The following SYT2 variants were observed in gnomAD, a reference collection of about 807,000 sequenced individuals.
SYT2 encodes synaptotagmin 2.
A neutral mutation model predicts 39.9 loss-of-function variants in SYT2; 15 were observed. That is an observed-to-expected ratio of 0.38 (90% CI 0.25 to 0.58). SYT2 has a LOEUF of 0.58. SYT2 is among the 20% of genes least tolerant of loss of function. The pLI is 0.70. For missense variants in SYT2, 389 were observed against 530.3 expected (o/e 0.73, Z 2.62); for synonymous variants, 181 against 204.5 (o/e 0.89, Z 0.98).
chr1:202,645,183 T>TG (rs1257199949), intron 1 of SYT2, among the ~76,000 whole-genome samples: 4 of 152,124 alleles, frequency 2.6e-5, no homozygotes, highest in African/African-American at 9.7e-5. Context: ...CAAGGTCAGA[T>TG]GCTCAGCAGG....
chr1:202,626,171 G>A (rs1691399131), intron 1 of SYT2, among the ~76,000 whole-genome samples: 1 of 152,132 alleles, frequency 6.6e-6, no homozygotes, highest in South Asian at 2.1e-4. Context: ...TGGGTAATGG[G>A]AGGGGGTGGA....
chr1:202,625,299 C>G (rs1328898416), intron 1 of SYT2, among the ~76,000 whole-genome samples: 48 of 16,010 alleles, frequency 3.0e-3, no homozygotes, highest in Middle Eastern at 0.056. Flanking sequence ...GTGGTGTGTG[C>G]TGTGTCTGTG....
intron 1 of SYT2, among the ~76,000 whole-genome samples, chr1:202,669,774 G>C (rs979319100): frequency 6.9e-6 from 1 of 145,456 alleles, no homozygotes; most frequent in African/African-American, 2.6e-5. Flanking sequence ...AAAAAAAAAA[G>C]ACCACCCACA....
chr1:202,641,802 G>A (rs1691924150), intron 1 of SYT2, among the ~76,000 whole-genome samples: 1 of 152,208 alleles, frequency 6.6e-6, no homozygotes, highest in Non-Finnish European at 1.5e-5. Flanking sequence ...TTAACCTATA[G>A]TCATCTGTCT....
At chr1:202,691,727 G>GA (rs1558463384) in intron 1 of SYT2, among the ~76,000 whole-genome samples, 12 of 19,010 alleles carry the variant, frequency 6.3e-4, no homozygotes, top group African/African-American at 1.7e-3. Flanking sequence ...GAGAGGGAGA[G>GA]GGGGGGAGAG....
rs867284871 is a variant in SYT2 at position 202,626,398 on chromosome 1, C to T, written c.-17-20609G>A. Among the ~76,000 whole-genome samples the T allele has an allele frequency of 9.6e-3, 692 of 72,420 alleles. 13 individuals are homozygous for T. The highest frequency in any genetic ancestry group is 0.091 in the East Asian group (201 of 2,204). The allele number at this position is 72,420 out of a possible 152,430, so 47.5% of individuals were successfully genotyped here. On this transcript the variant is annotated intron_variant, in intron 1 of 8. Coordinates refer to ENST00000367268, the MANE Select transcript of SYT2 (RefSeq NM_177402.5). ...TGCATCTCCCAAGACAGCCTCTCAG[C>T]TTTTTTTTTTTTTTTTTTTTTTTTT... is the stretch of plus-strand genomic sequence containing the variant.
At position 202,606,305 on chromosome 1, in the gene SYT2, C is replaced by A. The variant is rs149706747; in HGVS notation, c.-17-516G>T. Among the ~76,000 whole-genome samples the A allele has an allele frequency of 4.0e-3, 607 of 152,302 alleles. 3 individuals carry two copies. The highest frequency in any genetic ancestry group is 0.014 in the African/African-American group (580 of 41,574). On this transcript the variant is annotated intron_variant, in intron 1 of 8. Coordinates refer to ENST00000367268, the MANE Select transcript of SYT2 (RefSeq NM_177402.5). Reference sequence around the variant, plus strand: ...CTGAGGTTTGAACTGGTCTGCCCAACTCCAGAGCCTGTATAGCTAATCACT... The same window carrying A: ...CTGAGGTTTGAACTGGTCTGCCCAAATCCAGAGCCTGTATAGCTAATCACT...
intron 1 of SYT2, among the ~76,000 whole-genome samples, chr1:202,691,219 C>T (rs1329489988): frequency 1.3e-5 from 2 of 152,152 alleles, no homozygotes; most frequent in South Asian, 4.1e-4. Flanking sequence ...CAAGTGATCC[C>T]ACTCAGTATA....
intron 1 of SYT2, among the ~76,000 whole-genome samples, chr1:202,633,119 A>G (rs1691642126): frequency 6.6e-6 from 1 of 152,194 alleles, no homozygotes; most frequent in Non-Finnish European, 1.5e-5. Flanking sequence ...AATGCAGTGA[A>G]TGCTCTTGCT....
chr1:202,704,375 A>C (rs1369505523), intron 1 of SYT2, among the ~76,000 whole-genome samples: 1 of 152,158 alleles, frequency 6.6e-6, no homozygotes, highest in Non-Finnish European at 1.5e-5. Flanking sequence ...TTTACATCCC[A>C]GGTGCCTTTT....
intron 1 of SYT2, among the ~76,000 whole-genome samples, chr1:202,664,446 G>A (rs1186441271): frequency 6.6e-6 from 1 of 152,130 alleles, no homozygotes; most frequent in African/African-American, 2.4e-5. Flanking sequence ...GATGAATTTT[G>A]TTAAGTGTAT....
At chr1:202,676,612 C>T (rs1454694597) in intron 1 of SYT2, among the ~76,000 whole-genome samples, 1 of 152,152 alleles carries the variant, frequency 6.6e-6, no homozygotes, top group South Asian at 2.1e-4. Flanking sequence ...AGAAGCTTTT[C>T]CCAGGCTAGC....
intron 1 of SYT2, chr1:202,639,410 A>G: frequency 1.4e-6 from 1 of 729,604 alleles, no homozygotes; most frequent in Non-Finnish European, 1.7e-6. Context: ...AGGGCTGGCA[A>G]GCTCCGTCGC....
chr1:202,667,911 C>T (rs562083667), intron 1 of SYT2, among the ~76,000 whole-genome samples: 245 of 152,214 alleles, frequency 1.6e-3, no homozygotes, highest in African/African-American at 5.5e-3. Flanking sequence ...CAAGGTTTCG[C>T]CATGTTGCCC....
At chr1:202,655,425 T>C (rs2088072973) in intron 1 of SYT2, among the ~76,000 whole-genome samples, 1 of 152,212 alleles carries the variant, frequency 6.6e-6, no homozygotes, top group Admixed American at 6.5e-5. Context: ...CCGTTTTCTT[T>C]ATCTACTGTT....
intron 1 of SYT2, among the ~76,000 whole-genome samples, chr1:202,681,184 T>A (rs1653516843): frequency 6.7e-6 from 1 of 149,826 alleles, no homozygotes; most frequent in African/African-American, 2.4e-5. Context: ...AGAAGCTCAC[T>A]TTCCCTTGCT....
At chr1:202,684,922 G>T (rs535731251) in intron 1 of SYT2, among the ~76,000 whole-genome samples, 1 of 152,300 alleles carries the variant, frequency 6.6e-6, no homozygotes, top group African/African-American at 2.4e-5. Context: ...ACACAGCAGG[G>T]GGGATGACAT....
intron 1 of SYT2, among the ~76,000 whole-genome samples, chr1:202,622,546 G>A (rs1046832611): frequency 1.3e-5 from 2 of 148,406 alleles, no homozygotes; most frequent in Non-Finnish European, 3.0e-5. Context: ...TCTTGATCTC[G>A]CTGAGATCAG....
chr1:202,604,920 G>C (rs1369865244), intron 2 of SYT2: 4 of 326,682 alleles, frequency 1.2e-5, no homozygotes, highest in Non-Finnish European at 2.2e-5. Context: ...TATCAGTTTA[G>C]CTCTATTGAG....
Sources: allele counts gnomAD v4.1 joint callset (sites outside exome capture counted in the v4.1 genomes callset), GRCh38; gene constraint gnomAD v4.1.1; transcripts MANE v1.5; gene names NCBI Gene and HGNC (gene_info 2026-07-23, HGNC 2026-07-21).